Variants in NINJ2 observed in about 807,000 individuals in gnomAD.
NINJ2 encodes ninjurin 2.
In NINJ2, 12 loss-of-function variants were observed where a neutral mutation model predicts 11.7. The observed-to-expected ratio is 1.02, with a 90% CI of 0.66 to 1.66. The LOEUF is 1.66. Ranked by LOEUF, NINJ2 falls within the 40% of genes most tolerant of loss-of-function variation. The pLI is 0.00. For synonymous variants in NINJ2, 93 were observed against 76.8 expected (o/e 1.21, Z -1.10); for missense variants, 187 against 181.8 (o/e 1.03, Z -0.16).
chr12:609,731 A>G (rs530721756), intron 1 of NINJ2, among the ~76,000 whole-genome samples: 292 of 145,528 alleles, frequency 2.0e-3, no homozygotes, highest in African/African-American at 7.0e-3. Flanking sequence ...AGATTGCACC[A>G]CTGCACTCCA....
intron 1 of NINJ2, among the ~76,000 whole-genome samples, chr12:569,344 C>T (rs573278853): frequency 3.3e-4 from 51 of 152,336 alleles, no homozygotes; most frequent in African/African-American, 1.1e-3. Context: ...GGTTTGTCCT[C>T]GGTCTCCAAG....
intron 1 of NINJ2, among the ~76,000 whole-genome samples, chr12:639,280 T>G (rs527562142): frequency 6.6e-6 from 1 of 152,344 alleles, no homozygotes; most frequent in African/African-American, 2.4e-5. Flanking sequence ...CACACTTATA[T>G]GGGGCTGTCA....
chr12:596,653 T>C (rs1439548252), intron 1 of NINJ2, among the ~76,000 whole-genome samples: 2 of 152,224 alleles, frequency 1.3e-5, no homozygotes, highest in African/African-American at 2.4e-5. Context: ...CTGAGTGCGG[T>C]GGCTCACACC....
chr12:582,197 G>A (rs530644273), intron 1 of NINJ2, among the ~76,000 whole-genome samples: 2 of 152,392 alleles, frequency 1.3e-5, no homozygotes, highest in South Asian at 4.1e-4. Context: ...TTCCTCCAGT[G>A]CCTAACACAG....
At chr12:634,795 A>T (rs996807248) in intron 1 of NINJ2, among the ~76,000 whole-genome samples, 1 of 152,262 alleles carries the variant, frequency 6.6e-6, no homozygotes, top group Non-Finnish European at 1.5e-5. Flanking sequence ...TCTTCAGAGC[A>T]TTCAGACCCA....
intron 1 of NINJ2, among the ~76,000 whole-genome samples, chr12:588,915 G>A (rs1947680982): frequency 6.6e-6 from 1 of 152,176 alleles, no homozygotes; most frequent in South Asian, 2.1e-4. Flanking sequence ...GTCCTTGGTA[G>A]AAATGTAAAT....
intron 1 of NINJ2, among the ~76,000 whole-genome samples, chr12:661,383 A>G (rs917999903): frequency 2.6e-5 from 4 of 152,228 alleles, no homozygotes; most frequent in African/African-American, 9.6e-5. Context: ...GCCCAGCCAA[A>G]GGTGGACAAT....
At chr12:588,149 C>T (rs61919375) in intron 1 of NINJ2, among the ~76,000 whole-genome samples, 41,910 of 146,862 alleles carry the variant, frequency 0.29, 6,166 homozygotes, top group East Asian at 0.42. Context: ...AGCAAAATGG[C>T]GGAAGGAAGG....
chr12:654,846 C>T (rs1937850508), intron 1 of NINJ2, among the ~76,000 whole-genome samples: 1 of 146,486 alleles, frequency 6.8e-6, no homozygotes, highest in Admixed American at 6.8e-5. Flanking sequence ...GAACTGAGAT[C>T]AACTATTGCA....
At chr12:589,260 T>C (rs1947685808) in intron 1 of NINJ2, among the ~76,000 whole-genome samples, 1 of 152,084 alleles carries the variant, frequency 6.6e-6, no homozygotes, top group Non-Finnish European at 1.5e-5. Flanking sequence ...ATGGACAAAA[T>C]GAAACAAAAC....
intron 1 of NINJ2, among the ~76,000 whole-genome samples, chr12:577,878 T>C (rs1947491346): frequency 6.6e-6 from 1 of 152,038 alleles, no homozygotes; most frequent in African/African-American, 2.4e-5. Context: ...CTTTTATTTT[T>C]ATTTTTTTTT....
intron 1 of NINJ2, among the ~76,000 whole-genome samples, chr12:659,414 G>A (rs1362558673): frequency 6.6e-6 from 1 of 152,178 alleles, no homozygotes; most frequent in Non-Finnish European, 1.5e-5. Context: ...CTTAAACTCT[G>A]TACTTGGGGG....
At position 585,084 on chromosome 12, in the gene NINJ2, G is replaced by A. The variant is rs1024954375; in HGVS notation, c.34-18906C>T. 4.6e-5 allele frequency among the ~76,000 whole-genome samples: 7 copies of A among 152,212 alleles called. No individual in the cohort carries two copies. The highest frequency in any genetic ancestry group is 2.6e-4 in the Admixed American group (4 of 15,286). On this transcript the variant is annotated intron_variant, in intron 1 of 3. Transcript: ENST00000305108. This position sits in a 1 kb window ranked among gnomAD's most constrained non-coding sequence, Gnocchi z 4.1. ...AAGTGGGCTGAGATCGCGCCACTGCGCTCCAGCCTGGGAGACAGAGCGAGA... is the reference window on the plus strand; with the variant it reads ...AAGTGGGCTGAGATCGCGCCACTGCACTCCAGCCTGGGAGACAGAGCGAGA...
chr12:621,035 A>G (rs187673230), intron 1 of NINJ2, among the ~76,000 whole-genome samples: 48 of 152,264 alleles, frequency 3.2e-4, no homozygotes, highest in African/African-American at 1.2e-3. Flanking sequence ...CCTAATTCCA[A>G]CCTAACAAAC....
At chr12:587,040 A>G (rs1947648155) in intron 1 of NINJ2, among the ~76,000 whole-genome samples, 1 of 152,222 alleles carries the variant, frequency 6.6e-6, no homozygotes, top group South Asian at 2.1e-4. Flanking sequence ...TATCTGGGAT[A>G]AACAAGGCCA....
Position 581,178 on chromosome 12 carries a change from T to C in NINJ2, c.34-15000A>G, listed in dbSNP as rs1380557201. Among the ~76,000 whole-genome samples, 1 of 151,976 alleles carries C rather than the reference T, an allele frequency of 6.6e-6. No homozygotes were observed. The highest frequency in any genetic ancestry group is 1.5e-5 in the Non-Finnish European group (1 of 67,990). The stretch of plus-strand genomic sequence containing the variant: ...GTGTCTCTGTGTGTGTGTGTGTGTC[T>C]GTGTGTGTGTCTGTCTCTGTGTGCG... On this transcript the variant is annotated intron_variant, in intron 1 of 3. Coordinates refer to ENST00000305108, the MANE Select transcript of NINJ2 (RefSeq NM_016533.6). The surrounding 1 kb of genome is among the most constrained non-coding windows in gnomAD (Gnocchi z 4.9).
intron 1 of NINJ2, among the ~76,000 whole-genome samples, chr12:577,448 T>TATACATATATATA: frequency 5.6e-5 from 8 of 141,920 alleles, no homozygotes; most frequent in Admixed American, 1.4e-4. Context: ...TATATAAATA[T>TATACATATATATA]TTTGGCACGA....
At chr12:600,653 G>GGTGTGTGT (rs58255968) in intron 1 of NINJ2, among the ~76,000 whole-genome samples, 88 of 142,036 alleles carry the variant, frequency 6.2e-4, no homozygotes, top group Admixed American at 1.4e-3. Flanking sequence ...ATTTTTTTGG[G>GGTGTGTGT]GTGTGTGTGT....
At chr12:579,953 C>CAGAGAATA (rs1225579993) in intron 1 of NINJ2, among the ~76,000 whole-genome samples, 1 of 152,178 alleles carries the variant, frequency 6.6e-6, no homozygotes, top group Non-Finnish European at 1.5e-5. Flanking sequence ...CAAAGCTTAG[C>CAGAGAATA]AGAGAATAAG....
Sources: gnomAD v4.1 joint callset for allele counts (sites outside exome capture counted in the v4.1 genomes callset) on GRCh38, gnomAD v4.1.1 for gene constraint, Gnocchi (gnomAD v3.1) non-coding constraint, MANE v1.5 for transcripts, NCBI Gene and HGNC (gene_info 2026-07-23, HGNC 2026-07-21) for gene names.